Variants in TBL1XR1 observed in about 807,000 individuals in gnomAD.
TBL1XR1 encodes the protein F-box-like/WD repeat-containing protein TBL1XR1.
Under a neutral mutation model 66.9 loss-of-function variants are expected in TBL1XR1, and 5 were observed. The ratio of observed to expected loss-of-function variants is 0.07; its 90% CI spans 0.04 to 0.16. The LOEUF (loss-of-function observed/expected upper bound fraction) is 0.16, where lower values mean the gene tolerates loss of function less well. TBL1XR1 is among the 10% of genes least tolerant of loss of function. The pLI is 1.00. For synonymous variants in TBL1XR1, 210 were observed against 206.0 expected (o/e 1.02, Z -0.17); for missense variants, 238 against 623.2 (o/e 0.38, Z 6.58).
At chr3:177,139,885 A>C (rs1298740986) in intron 1 of TBL1XR1, among the ~76,000 whole-genome samples, 1 of 152,218 alleles carries the variant, frequency 6.6e-6, no homozygotes, top group Non-Finnish European at 1.5e-5. Flanking sequence ...CTCACCAGTA[A>C]AATTTCAGAA....
chr3:177,158,087 G>A (rs191920899), intron 1 of TBL1XR1, among the ~76,000 whole-genome samples: 7 of 151,624 alleles, frequency 4.6e-5, no homozygotes, highest in African/African-American at 1.5e-4. Flanking sequence ...GTCCCACCAC[G>A]GTAGTTTTCA....
At position 177,020,746 on chromosome 3, in the gene TBL1XR1, A is replaced by C. The variant is rs1285602398; in HGVS notation, c.*4752T>G. ...CATCAAAGGTTTTATATATGTACAC[A>C]GCCAACATAATATCAAAATATATTT... On this transcript the variant is annotated 3_prime_UTR_variant, in exon 16 of 16. Transcript: ENST00000457928. The C allele has an allele frequency of 6.6e-6, 1 of 152,222 alleles. No individual in the cohort carries two copies. 9.4% of individuals were successfully genotyped at this position (152,222 alleles called of 1,614,324 possible).
intron 1 of TBL1XR1, among the ~76,000 whole-genome samples, chr3:177,111,789 G>A (rs1047402923): frequency 2.6e-5 from 4 of 151,926 alleles, no homozygotes; most frequent in Non-Finnish European, 5.9e-5. Context: ...ATGAGTCAGA[G>A]CTAAACATTA....
chr3:177,030,106 A>G (rs535526315), intron 14 of TBL1XR1, among the ~76,000 whole-genome samples: 365 of 148,040 alleles, frequency 2.5e-3, no homozygotes, highest in Middle Eastern at 0.014. Flanking sequence ...GTGTGTGTGT[A>G]TGTGTGTGTG....
intron 9 of TBL1XR1, among the ~76,000 whole-genome samples, chr3:177,046,982 G>A (rs977318596): frequency 6.6e-6 from 1 of 152,078 alleles, no homozygotes; most frequent in African/African-American, 2.4e-5. Context: ...AATTTCCCAT[G>A]GATTCACTCC....
At chr3:177,174,575 C>G (rs756609143) in intron 1 of TBL1XR1, among the ~76,000 whole-genome samples, 3 of 152,036 alleles carry the variant, frequency 2.0e-5, no homozygotes, top group Non-Finnish European at 4.4e-5. Context: ...CTCCTGTTCC[C>G]CAGAAAAAGA....
At chr3:177,075,148 T>G (rs1316446389) in intron 2 of TBL1XR1, among the ~76,000 whole-genome samples, 1 of 152,236 alleles carries the variant, frequency 6.6e-6, no homozygotes, top group Admixed American at 6.5e-5. Context: ...AGTGCCACGA[T>G]CCCTCCAACG....
At position 177,023,025 on chromosome 3, in the gene TBL1XR1, GAAAAA is replaced by G. The variant is rs58640664; in HGVS notation, c.*2468_*2472del. On this transcript the variant is annotated 3_prime_UTR_variant, in exon 16 of 16. Coordinates refer to ENST00000457928, the MANE Select transcript of TBL1XR1 (RefSeq NM_024665.7). The stretch of plus-strand genomic sequence containing the variant: ...AAGTAAAATAGCTAAAGAAAAAAAA[GAAAAA>G]AAAAACAGAAAAGATGACAATATCA... The G allele has an allele frequency of 1.4e-5, 2 of 144,902 alleles. No individual in the cohort carries two copies. The highest frequency in any genetic ancestry group is 3.1e-5 in the Non-Finnish European group (2 of 65,380). 9.0% of individuals were successfully genotyped at this position (144,902 alleles called of 1,614,324 possible).
At chr3:177,036,599 G>A (rs2108427727) in intron 12 of TBL1XR1, among the ~76,000 whole-genome samples, 1 of 152,264 alleles carries the variant, frequency 6.6e-6, no homozygotes, top group Admixed American at 6.5e-5. Context: ...TCCAGAAGAA[G>A]TTTTTTTCAT....
At chr3:177,196,606 G>C (rs1222969697) in intron 1 of TBL1XR1, 1 of 150,724 alleles carries the variant, frequency 6.6e-6, no homozygotes, top group African/African-American at 2.4e-5. Flanking sequence ...GATTTCCATT[G>C]CCGCCCGAGG....
chr3:177,185,110 A>G (rs1289167471), intron 1 of TBL1XR1, among the ~76,000 whole-genome samples: 1 of 152,176 alleles, frequency 6.6e-6, no homozygotes, highest in Non-Finnish European at 1.5e-5. Flanking sequence ...GAACATCAAC[A>G]GTTCAAAAGG....
chr3:177,020,287 A>G lies in TBL1XR1; in HGVS notation c.*5211T>C, dbSNP rs1712183013. 3 of 152,124 alleles carry G rather than the reference A, an allele frequency of 2.0e-5. No homozygotes were observed. The highest frequency in any genetic ancestry group is 4.4e-5 in the Non-Finnish European group (3 of 68,014). The allele number at this position is 152,124 out of a possible 1,614,324, so 9.4% of individuals were successfully genotyped here. A position where few individuals can be genotyped will look rare whatever the true frequency, so the allele number is the denominator to read the frequency against. On this transcript the variant is annotated 3_prime_UTR_variant, in exon 16 of 16. Transcript: ENST00000457928. ...GTCTCTTTTTCAGCTTCTGTGAAAT[A>G]ACGTCTTTTAAATACAATATTTATT...
intron 3 of TBL1XR1, among the ~76,000 whole-genome samples, chr3:177,064,603 A>G (rs1025510367): frequency 6.6e-6 from 1 of 152,238 alleles, no homozygotes; most frequent in African/African-American, 2.4e-5. Context: ...CTGGATATAC[A>G]TTATCAAACT....
At position 177,146,967 on chromosome 3, in the gene TBL1XR1, A is replaced by G. The variant is rs183091095; in HGVS notation, c.-121-48426T>C. 1.7e-3 allele frequency among the ~76,000 whole-genome samples: 265 copies of G among 152,238 alleles called. 4 individuals carry two copies. Among genetic ancestry groups the G allele is most frequent in the African/African-American group, 5.9e-3 (245 of 41,564 alleles). On this transcript the variant is annotated intron_variant, in intron 1 of 15. Coordinates refer to ENST00000457928, the MANE Select transcript of TBL1XR1 (RefSeq NM_024665.7). ...GAACATTTCCCATTTCATCACAAAG[A>G]CCATTAAAATGATTCAGATTCAGAT...
intron 2 of TBL1XR1, among the ~76,000 whole-genome samples, chr3:177,089,598 A>C (rs984661305): frequency 1.3e-5 from 2 of 152,210 alleles, no homozygotes; most frequent in African/African-American, 4.8e-5. Context: ...ATAAAGGGTT[A>C]TAATCAAGGG....
intron 1 of TBL1XR1, among the ~76,000 whole-genome samples, chr3:177,127,333 C>A (rs1257980708): frequency 6.6e-6 from 1 of 152,138 alleles, no homozygotes. Context: ...TTCTCAGTAT[C>A]ATTAAAAATT....
chr3:177,145,850 A>G (rs1160665259), intron 1 of TBL1XR1, among the ~76,000 whole-genome samples: 1 of 152,218 alleles, frequency 6.6e-6, no homozygotes, highest in African/African-American at 2.4e-5. Context: ...TAGTTTTCCA[A>G]CAGACAAAAT....
chr3:177,166,978 C>A (rs1732898244), intron 1 of TBL1XR1, among the ~76,000 whole-genome samples: 1 of 152,152 alleles, frequency 6.6e-6, no homozygotes, highest in Non-Finnish European at 1.5e-5. Flanking sequence ...ACCATATGAT[C>A]CAGCAAACAT....
chr3:177,161,968 C>T lies in TBL1XR1; in HGVS notation c.-122+35153G>A, dbSNP rs552859713. 2.0e-5 allele frequency among the ~76,000 whole-genome samples: 3 copies of T among 152,230 alleles called. No homozygotes were observed. The East Asian group carries it at 5.8e-4, about 29-fold the overall frequency. On this transcript the variant is annotated intron_variant, in intron 1 of 15. Coordinates refer to ENST00000457928, the MANE Select transcript of TBL1XR1 (RefSeq NM_024665.7). ...AAGAACTAAAAATATTAAGTGTTGA[C>T]AAAAACACAGAGCAACTAGAACTTA... is the stretch of plus-strand genomic sequence containing the variant.
Sources: allele counts gnomAD v4.1 joint callset (sites outside exome capture counted in the v4.1 genomes callset), GRCh38; gene constraint gnomAD v4.1.1; transcripts MANE v1.5; gene names NCBI Gene and HGNC (gene_info 2026-07-23, HGNC 2026-07-21).